Variants in AGBL4 observed in about 807,000 individuals in gnomAD.
AGBL4 encodes cytosolic carboxypeptidase 6.
A neutral mutation model predicts 66.4 loss-of-function variants in AGBL4; 58 were observed. That is an observed-to-expected ratio of 0.87 (90% CI 0.71 to 1.09). AGBL4 has a LOEUF of 1.09. Among genes scored for constraint, AGBL4 ranks in the 50% least tolerant of loss-of-function variants. The pLI is 0.00. For synonymous variants in AGBL4, 234 were observed against 222.9 expected (o/e 1.05, Z -0.44); for missense variants, 579 against 631.0 (o/e 0.92, Z 0.88).
At chr1:49,682,532 G>T (rs7521155) in intron 3 of AGBL4, among the ~76,000 whole-genome samples, 2 of 151,992 alleles carry the variant, frequency 1.3e-5, no homozygotes, top group African/African-American at 2.4e-5. Flanking sequence ...ATTCAATGTA[G>T]GTCATTGTTA....
intron 1 of AGBL4, among the ~76,000 whole-genome samples, chr1:49,899,162 T>G (rs1366692417): frequency 6.6e-6 from 1 of 152,146 alleles, no homozygotes. Flanking sequence ...GATAAATGCT[T>G]GCGGGGATGA....
intron 9 of AGBL4, among the ~76,000 whole-genome samples, chr1:48,633,830 G>C (rs1645627567): frequency 6.6e-6 from 1 of 152,192 alleles, no homozygotes; most frequent in Admixed American, 6.5e-5. Context: ...TGTTCTGTCT[G>C]CCTATGTCCC....
intron 1 of AGBL4, among the ~76,000 whole-genome samples, chr1:49,951,986 T>C (rs1656197163): frequency 6.6e-6 from 1 of 151,808 alleles, no homozygotes. Flanking sequence ...AAACAGAGGC[T>C]ACCAGGGTCT....
At chr1:49,422,731 A>C (rs777056750) in intron 3 of AGBL4, among the ~76,000 whole-genome samples, 2 of 152,120 alleles carry the variant, frequency 1.3e-5, no homozygotes, top group Non-Finnish European at 1.5e-5. Flanking sequence ...TATCCTTCAA[A>C]AATCAGTTTA....
At chr1:49,552,872 T>C (rs374868645) in intron 3 of AGBL4, among the ~76,000 whole-genome samples, 30 of 152,302 alleles carry the variant, frequency 2.0e-4, no homozygotes, top group African/African-American at 7.2e-4. Context: ...ATAAACCCAG[T>C]CTAGTATGGC....
chr1:49,258,266 A>G (rs973650194), intron 3 of AGBL4, among the ~76,000 whole-genome samples: 3 of 152,226 alleles, frequency 2.0e-5, no homozygotes, highest in Admixed American at 2.0e-4. Flanking sequence ...CCTCCAAAGG[A>G]ACGCAGTTCC....
intron 1 of AGBL4, among the ~76,000 whole-genome samples, chr1:49,902,733 C>T (rs944889216): frequency 1.1e-4 from 16 of 151,986 alleles, no homozygotes; most frequent in African/African-American, 3.6e-4. Flanking sequence ...GGCAACAGAG[C>T]GAGACTCTGT....
At chr1:48,755,160 C>T (rs1402385718) in intron 6 of AGBL4, among the ~76,000 whole-genome samples, 5 of 152,190 alleles carry the variant, frequency 3.3e-5, no homozygotes, top group Non-Finnish European at 7.3e-5. Flanking sequence ...GTGGCTCCAC[C>T]TTTCTGACCC....
At chr1:48,683,705 T>C (rs1002306390) in intron 6 of AGBL4, among the ~76,000 whole-genome samples, 1 of 152,180 alleles carries the variant, frequency 6.6e-6, no homozygotes, top group Admixed American at 6.5e-5. Flanking sequence ...TCTGGCTCCA[T>C]TAACAAGCAA....
At chr1:49,215,291 T>C (rs1231727344) in intron 4 of AGBL4, among the ~76,000 whole-genome samples, 4 of 152,150 alleles carry the variant, frequency 2.6e-5, no homozygotes, top group Admixed American at 6.6e-5. Context: ...AAGCTGAAAT[T>C]AAGAGGAGTA....
intron 5 of AGBL4, among the ~76,000 whole-genome samples, chr1:49,012,297 A>G (rs1662497305): frequency 6.6e-6 from 1 of 152,190 alleles, no homozygotes; most frequent in African/African-American, 2.4e-5. Flanking sequence ...AAATATAGAG[A>G]CAAAGACAGA....
At chr1:48,890,135 C>G (rs1410232656) in intron 5 of AGBL4, among the ~76,000 whole-genome samples, 1 of 152,038 alleles carries the variant, frequency 6.6e-6, no homozygotes, top group East Asian at 1.9e-4. Context: ...GGTTTCACTC[C>G]TGCTTTCCTT....
chr1:49,588,782 C>G (rs1644698565), intron 3 of AGBL4, among the ~76,000 whole-genome samples: 1 of 152,148 alleles, frequency 6.6e-6, no homozygotes, highest in South Asian at 2.1e-4. Flanking sequence ...CCTCAAGGAG[C>G]TCCTAAATGA....
chr1:49,723,783 T>C (rs1287784761), intron 2 of AGBL4, among the ~76,000 whole-genome samples: 1 of 152,174 alleles, frequency 6.6e-6, no homozygotes, highest in Non-Finnish European at 1.5e-5. Context: ...GTTTTAAAGC[T>C]GTGCTCTAAC....
At chr1:49,444,457 T>G (rs1274238062) in intron 3 of AGBL4, among the ~76,000 whole-genome samples, 1 of 152,110 alleles carries the variant, frequency 6.6e-6, no homozygotes, top group African/African-American at 2.4e-5. Context: ...AGTGCTCCAG[T>G]GTTGGGTGCA....
In AGBL4 at chr1:48,816,089, GTGT is replaced by G. The variant is rs1291329988; in HGVS notation, c.634+51099_634+51101del. On this transcript the variant is annotated intron_variant, in intron 6 of 13. Transcript: ENST00000371839. ...TGTGTGTGTGTGTGTGTGTGTGTGTGTGTAGAGAGAAAGAGAGAGAGACAGACA... is the reference window on the plus strand; with the variant it reads ...TGTGTGTGTGTGTGTGTGTGTGTGTGAGAGAGAAAGAGAGAGAGACAGACA... Among the ~76,000 whole-genome samples, 628 of 103,526 alleles carry G rather than the reference GTGT, an allele frequency of 6.1e-3. 8 individuals are homozygous for G. The highest frequency in any genetic ancestry group is 0.034 in the East Asian group (101 of 2,956). 67.9% of individuals were successfully genotyped at this position (103,526 alleles called of 152,430 possible).
chr1:49,606,469 G>C (rs1166379241), intron 3 of AGBL4, among the ~76,000 whole-genome samples: 1 of 152,064 alleles, frequency 6.6e-6, no homozygotes, highest in Non-Finnish European at 1.5e-5. Context: ...TATATTTACA[G>C]GATCCTATTT....
chr1:49,950,033 T>TGTATATATACACAC lies in AGBL4; in HGVS notation c.34+73729_34+73730insGTGTGTATATATAC, dbSNP rs1557611821. Among the ~76,000 whole-genome samples, 172 of 139,650 alleles carry TGTATATATACACAC rather than the reference T, an allele frequency of 1.2e-3. 2 individuals carry two copies. The highest frequency in any genetic ancestry group is 5.4e-3 in the East Asian group (25 of 4,622). 91.6% of individuals were successfully genotyped at this position (139,650 alleles called of 152,430 possible). A position where few individuals can be genotyped will look rare whatever the true frequency, so the allele number is the denominator to read the frequency against. The stretch of plus-strand genomic sequence containing the variant: ...ATACACACACATATGTGTGTGTGTG[T>TGTATATATACACAC]ATATATATACACATATGTGTATATA... On this transcript the variant is annotated intron_variant, in intron 1 of 13. Transcript: ENST00000371839.
chr1:49,876,095 C>G (rs904613156), intron 1 of AGBL4, among the ~76,000 whole-genome samples: 1 of 149,728 alleles, frequency 6.7e-6, no homozygotes, highest in African/African-American at 2.5e-5. Flanking sequence ...AATTTTCTCC[C>G]ATGTTGTAGG....
Sources: gnomAD v4.1 joint callset for allele counts (sites outside exome capture counted in the v4.1 genomes callset) on GRCh38, gnomAD v4.1.1 for gene constraint, MANE v1.5 for transcripts, NCBI Gene and HGNC (gene_info 2026-07-23, HGNC 2026-07-21) for gene names.